Variants in FMN2 observed in about 807,000 individuals in gnomAD.
FMN2 encodes formin 2, also known as formin-2.
Under a neutral mutation model 142.3 loss-of-function variants are expected in FMN2, and 51 were observed. The observed-to-expected ratio is 0.36, with a 90% CI of 0.29 to 0.45. The LOEUF (loss-of-function observed/expected upper bound fraction) is 0.45, where lower values mean the gene tolerates loss of function less well. Ranked by LOEUF, FMN2 falls within the 20% of genes least tolerant of loss-of-function variation. The pLI, the probability that FMN2 is intolerant of heterozygous loss-of-function variation, is 1.00. For missense variants in FMN2, 1,936 were observed against 2,122.8 expected (o/e 0.91, Z 1.73); for synonymous variants, 882 against 869.8 (o/e 1.01, Z -0.25).
intron 14 of FMN2, among the ~76,000 whole-genome samples, chr1:240,378,403 G>A (rs1673117823): frequency 6.6e-6 from 1 of 152,004 alleles, no homozygotes; most frequent in African/African-American, 2.4e-5. Context: ...CACCCACCTC[G>A]GCCTCCCAAA....
chr1:240,179,556 T>A (rs1368498070), intron 3 of FMN2: 1 of 152,166 alleles, frequency 6.6e-6, no homozygotes. Context: ...GAGTTTATCG[T>A]AACACTTACA....
intron 8 of FMN2, among the ~76,000 whole-genome samples, chr1:240,328,209 A>AT (rs1671258838): frequency 6.8e-6 from 1 of 147,998 alleles, no homozygotes; most frequent in South Asian, 2.2e-4. Context: ...AAAACCTTTT[A>AT]TTTTTGTTCC....
intron 1 of FMN2, among the ~76,000 whole-genome samples, chr1:240,115,228 G>T (rs921266522): frequency 7.2e-5 from 11 of 151,990 alleles, no homozygotes; most frequent in African/African-American, 2.7e-4. Context: ...TGTATAGTTA[G>T]CAGTCATGTG....
rs1372558264 is a variant in FMN2 at position 240,148,378 on chromosome 1, AG to A, written c.1782+25034del. 2.3e-3 allele frequency among the ~76,000 whole-genome samples: 341 copies of A among 145,514 alleles called. 1 individual carries two copies. The highest frequency in any genetic ancestry group is 8.8e-3 in the African/African-American group (320 of 36,250). On this transcript the variant is annotated intron_variant, in intron 2 of 17. Transcript: ENST00000319653. ...CAGAGAGACAGAGACAGAGAGAGAG[AG>A]AGAAAGACAGAGAGAAAGACAGAGA... is the stretch of plus-strand genomic sequence containing the variant.
At chr1:240,277,156 A>T (rs1268691454) in intron 7 of FMN2, among the ~76,000 whole-genome samples, 1 of 152,208 alleles carries the variant, frequency 6.6e-6, no homozygotes, top group Admixed American at 6.5e-5. Context: ...ACTGTAATTA[A>T]ATGTAAACAG....
chr1:240,220,406 G>C (rs1165460881), intron 6 of FMN2, among the ~76,000 whole-genome samples: 1 of 152,108 alleles, frequency 6.6e-6, no homozygotes, highest in Non-Finnish European at 1.5e-5. Context: ...CAGGATGCTG[G>C]CATTTCTAAT....
At chr1:240,215,404 C>T (rs548731511) in intron 6 of FMN2, among the ~76,000 whole-genome samples, 14 of 152,218 alleles carry the variant, frequency 9.2e-5, no homozygotes, top group South Asian at 2.1e-4. Context: ...AGAGATATAG[C>T]GGAATTCAAT....
At position 240,357,946 on chromosome 1, in the gene FMN2, T is replaced by G. The variant is rs1393395933; in HGVS notation, c.4858+2038T>G. Among the ~76,000 whole-genome samples the G allele has an allele frequency of 3.3e-5, 3 of 91,054 alleles. No homozygotes were observed. In the East Asian group the frequency reaches 8.2e-4, roughly 25 times the overall value. The allele number at this position is 91,054 out of a possible 152,430, so 59.7% of individuals were successfully genotyped here. A position where few individuals can be genotyped will look rare whatever the true frequency, so the allele number is the denominator to read the frequency against. On this transcript the variant is annotated intron_variant, in intron 14 of 17. Transcript: ENST00000319653. ...ACCTCCTTGTTATGAAACTCAGATA[T>G]TAACTTTTTTTTTAATACTTCTCCA... is the stretch of plus-strand genomic sequence containing the variant.
At chr1:240,330,315 G>A (rs995858142) in intron 10 of FMN2, among the ~76,000 whole-genome samples, 6 of 152,104 alleles carry the variant, frequency 3.9e-5, no homozygotes, top group Non-Finnish European at 8.8e-5. Flanking sequence ...TTCCCATATA[G>A]CCTTAATAGT....
At chr1:240,213,651 G>T (rs1016450917) in intron 6 of FMN2, among the ~76,000 whole-genome samples, 8 of 152,196 alleles carry the variant, frequency 5.3e-5, no homozygotes, top group Non-Finnish European at 1.2e-4. Flanking sequence ...TTCATTTCCA[G>T]TAAAATTAAT....
chr1:240,159,858 G>A (rs1486599236), intron 2 of FMN2, among the ~76,000 whole-genome samples: 1 of 147,166 alleles, frequency 6.8e-6, no homozygotes, highest in African/African-American at 2.5e-5. Flanking sequence ...CCCTCTTGGA[G>A]CATATGAATT....
At chr1:240,181,214 A>G (rs977429158) in intron 3 of FMN2, among the ~76,000 whole-genome samples, 51 of 151,678 alleles carry the variant, frequency 3.4e-4, no homozygotes, top group African/African-American at 1.2e-3. Context: ...ATGTTGGCCC[A>G]GCTGGTCTTG....
chr1:240,284,897 T>C (rs1356158500), intron 7 of FMN2, among the ~76,000 whole-genome samples: 1 of 152,110 alleles, frequency 6.6e-6, no homozygotes, highest in African/African-American at 2.4e-5. Context: ...TACGTGATTC[T>C]ATGGTTTTTG....
At chr1:240,159,957 C>CTGTG (rs200278083) in intron 2 of FMN2, among the ~76,000 whole-genome samples, 3 of 119,494 alleles carry the variant, frequency 2.5e-5, no homozygotes, top group African/African-American at 3.5e-5. Context: ...ATATCTATAT[C>CTGTG]TGTGTATATA....
In FMN2 at chr1:240,468,040, A is replaced by G. The variant is rs549156694; in HGVS notation, c.5061-4332A>G. ...GTTTTGCTCATATTTTCCTTCTGTTATCTGGATTGCTAATTAGAAGTTGCA... is the reference window on the plus strand; with the variant it reads ...GTTTTGCTCATATTTTCCTTCTGTTGTCTGGATTGCTAATTAGAAGTTGCA... On this transcript the variant is annotated intron_variant, in intron 16 of 17. Transcript: ENST00000319653. Among the ~76,000 whole-genome samples, 422 of 152,134 alleles carry G rather than the reference A, an allele frequency of 2.8e-3. 3 individuals carry two copies. The highest frequency in any genetic ancestry group is 4.7e-3 in the Non-Finnish European group (317 of 68,002).
intron 1 of FMN2, among the ~76,000 whole-genome samples, chr1:240,120,871 A>G (rs1450018240): frequency 6.6e-6 from 1 of 152,170 alleles, no homozygotes; most frequent in Non-Finnish European, 1.5e-5. Context: ...AAAGTTAAAG[A>G]GCTAGGCCAG....
intron 15 of FMN2, among the ~76,000 whole-genome samples, chr1:240,414,036 A>G (rs1674502948): frequency 6.6e-6 from 1 of 152,234 alleles, no homozygotes; most frequent in South Asian, 2.1e-4. Flanking sequence ...TAAAATGCCA[A>G]ATAGTATGTG....
intron 6 of FMN2, among the ~76,000 whole-genome samples, chr1:240,257,330 C>G (rs1226162220): frequency 1.3e-5 from 2 of 152,156 alleles, no homozygotes; most frequent in Non-Finnish European, 2.9e-5. Context: ...TAATTTGATG[C>G]TTGTATCCCT....
intron 7 of FMN2, among the ~76,000 whole-genome samples, 183 bp from the exon 8 acceptor site, chr1:240,294,639 A>C (rs1000632808): frequency 1.3e-5 from 2 of 152,182 alleles, no homozygotes; most frequent in African/African-American, 2.4e-5. Flanking sequence ...TGAAAGCTTT[A>C]ACACTTGACA....
Sources: gnomAD v4.1 joint callset for allele counts (sites outside exome capture counted in the v4.1 genomes callset) on GRCh38, gnomAD v4.1.1 for gene constraint, MANE v1.5 for transcripts, NCBI Gene and HGNC (gene_info 2026-07-23, HGNC 2026-07-21) for gene names.